TMEM117: variants seen among roughly 807,000 people sequenced by gnomAD.
TMEM117 encodes transmembrane protein 117.
Under a neutral mutation model 52.4 loss-of-function variants are expected in TMEM117, and 27 were observed. The observed-to-expected ratio is 0.51, with a 90% CI of 0.38 to 0.71. The LOEUF (loss-of-function observed/expected upper bound fraction) is 0.71, where lower values mean the gene tolerates loss of function less well. Among genes scored for constraint, TMEM117 ranks in the 30% least tolerant of loss-of-function variants. The pLI is 0.00. For missense variants in TMEM117, 556 were observed against 630.5 expected (o/e 0.88, Z 1.26); for synonymous variants, 215 against 206.3 (o/e 1.04, Z -0.36).
chr12:44,050,818 T>G (rs1946959772), intron 3 of TMEM117, among the ~76,000 whole-genome samples: 1 of 152,188 alleles, frequency 6.6e-6, no homozygotes, highest in Non-Finnish European at 1.5e-5. Flanking sequence ...TCCCTTAAGT[T>G]AGGAATTTAC....
intron 7 of TMEM117, among the ~76,000 whole-genome samples, chr12:44,379,123 A>C (rs1402292995): frequency 6.6e-6 from 1 of 151,910 alleles, no homozygotes; most frequent in Non-Finnish European, 1.5e-5. Context: ...CTCTAAAAAA[A>C]AATAGAAAGA....
chr12:44,244,648 T>C (rs902755129), intron 5 of TMEM117, among the ~76,000 whole-genome samples: 1 of 152,034 alleles, frequency 6.6e-6, no homozygotes, highest in Non-Finnish European at 1.5e-5. Context: ...ATTACACAGA[T>C]TGTTTTTTAA....
At chr12:44,281,578 G>A (rs1950577478) in intron 5 of TMEM117, among the ~76,000 whole-genome samples, 1 of 151,980 alleles carries the variant, frequency 6.6e-6, no homozygotes, top group South Asian at 2.1e-4. Context: ...AATAAAACAT[G>A]CTTTTGTCCT....
chr12:44,031,435 G>A (rs1053629621), intron 3 of TMEM117, among the ~76,000 whole-genome samples: 1 of 152,120 alleles, frequency 6.6e-6, no homozygotes, highest in Non-Finnish European at 1.5e-5. Flanking sequence ...ACTTCGACAG[G>A]TGCATTTAAA....
At chr12:43,914,538 C>T (rs1389065342) in intron 2 of TMEM117, among the ~76,000 whole-genome samples, 1 of 152,180 alleles carries the variant, frequency 6.6e-6, no homozygotes, top group Admixed American at 6.5e-5. Flanking sequence ...GCCAATGGAG[C>T]TTTCAGCCTC....
At chr12:43,977,643 C>T (rs923215974) in intron 3 of TMEM117, among the ~76,000 whole-genome samples, 2 of 152,006 alleles carry the variant, frequency 1.3e-5, no homozygotes, top group East Asian at 1.9e-4. Context: ...CTCATATTCC[C>T]CCTTTTTTGT....
At chr12:44,258,505 A>G (rs1031473881) in intron 5 of TMEM117, among the ~76,000 whole-genome samples, 4 of 152,180 alleles carry the variant, frequency 2.6e-5, no homozygotes, top group African/African-American at 9.6e-5. Context: ...TCACCAGGAA[A>G]AAAAAGATTA....
At chr12:44,329,630 C>T (rs531773821) in intron 6 of TMEM117, among the ~76,000 whole-genome samples, 1 of 152,158 alleles carries the variant, frequency 6.6e-6, no homozygotes, top group Admixed American at 6.6e-5. Flanking sequence ...TCTTGTGACT[C>T]TGAAACTCTG....
rs566746491 is a variant in TMEM117 at position 44,326,701 on chromosome 12, T to A, written c.768+26962T>A. ...ATATCACTCCCCTATTTGGAAAACT[T>A]CTGTGGCTTTTGTTGTCTTTAAAAC... On this transcript the variant is annotated intron_variant, in intron 6 of 7. Coordinates refer to ENST00000266534, the MANE Select transcript of TMEM117 (RefSeq NM_032256.3). Among the ~76,000 whole-genome samples, 8 of 152,330 alleles carry A rather than the reference T, an allele frequency of 5.3e-5. No individual in the cohort carries two copies. The South Asian group carries it at 1.7e-3, about 32-fold the overall frequency.
At chr12:43,990,241 C>T (rs1054804079) in intron 3 of TMEM117, among the ~76,000 whole-genome samples, 6 of 152,054 alleles carry the variant, frequency 3.9e-5, no homozygotes, top group Admixed American at 3.9e-4. Context: ...TTTCAACCCA[C>T]GTGAAAAATG....
chr12:44,243,894 G>A (rs751150631), intron 5 of TMEM117, among the ~76,000 whole-genome samples: 9 of 151,570 alleles, frequency 5.9e-5, no homozygotes, highest in Admixed American at 3.9e-4. Context: ...GTCTTTCTGC[G>A]CCTGACTTAT....
At chr12:44,177,628 A>G (rs1949133945) in intron 4 of TMEM117, among the ~76,000 whole-genome samples, 1 of 152,164 alleles carries the variant, frequency 6.6e-6, no homozygotes, top group Non-Finnish European at 1.5e-5. Context: ...ACCATGCTTC[A>G]GGAAAGTTAT....
intron 4 of TMEM117, among the ~76,000 whole-genome samples, chr12:44,185,233 T>A (rs1298322501): frequency 1.3e-5 from 2 of 152,232 alleles, no homozygotes; most frequent in Non-Finnish European, 2.9e-5. Context: ...TAGTATCTAG[T>A]CCTGGTAGTA....
At chr12:44,397,064 C>T in the TMEM117 span, among the ~76,000 whole-genome samples, 1 of 151,984 alleles carries the variant, frequency 6.6e-6, no homozygotes, top group Non-Finnish European at 1.5e-5. Context: ...AAGCGAGTAT[C>T]CCAGTTGAGC....
intron 3 of TMEM117, among the ~76,000 whole-genome samples, chr12:43,953,414 T>A (rs1373559927): frequency 6.6e-6 from 1 of 152,158 alleles, no homozygotes; most frequent in Non-Finnish European, 1.5e-5. Flanking sequence ...ATATCTCATG[T>A]GCGAAGACAC....
intron 3 of TMEM117, among the ~76,000 whole-genome samples, chr12:44,042,797 CA>C (rs1344911984): frequency 6.1e-5 from 9 of 147,702 alleles, no homozygotes; most frequent in African/African-American, 1.6e-4. Flanking sequence ...CACACACACA[CA>C]CACACACACA....
intron 6 of TMEM117, among the ~76,000 whole-genome samples, chr12:44,317,568 G>C (rs901550787): frequency 6.6e-6 from 1 of 151,886 alleles, no homozygotes. Flanking sequence ...CTAATTTTTT[G>C]TATTTTTAGT....
rs1478030844 is a variant in TMEM117, at chr12:43,909,179, C to T, written c.278-35031C>T. Reference sequence around the variant, plus strand: ...ACCATAGTGCAATCAAACTAGAACTCAGGATTAAGAATCTCACTCAAAGCC... The same window carrying T: ...ACCATAGTGCAATCAAACTAGAACTTAGGATTAAGAATCTCACTCAAAGCC... On this transcript the variant is annotated intron_variant, in intron 2 of 7. Coordinates refer to ENST00000266534, the MANE Select transcript of TMEM117 (RefSeq NM_032256.3). Among the ~76,000 whole-genome samples the T allele has an allele frequency of 3.2e-5, 2 of 62,006 alleles. 1 individual carries two copies. Among genetic ancestry groups the T allele is most frequent in the Non-Finnish European group, 1.1e-4 (2 of 18,890 alleles). 40.7% of individuals were successfully genotyped at this position (62,006 alleles called of 152,430 possible).
At position 44,242,130 on chromosome 12, in the gene TMEM117, C is replaced by CT. The variant is rs111532606; in HGVS notation, c.608+30755dup. Among the ~76,000 whole-genome samples the CT allele has an allele frequency of 5.9e-4, 86 of 144,924 alleles. No individual in the cohort carries two copies. In the Middle Eastern group the frequency reaches 0.01, roughly 18 times the overall value. ...TCCAGTCAACTCCCAGATAATTTGT[C>CT]TTTTTTTTTTTTACTTTTATTTTAG... is the stretch of plus-strand genomic sequence containing the variant. On this transcript the variant is annotated intron_variant, in intron 5 of 7. Coordinates refer to ENST00000266534, the MANE Select transcript of TMEM117 (RefSeq NM_032256.3).
Sources: allele counts gnomAD v4.1 joint callset (sites outside exome capture counted in the v4.1 genomes callset), GRCh38; gene constraint gnomAD v4.1.1; transcripts MANE v1.5; gene names NCBI Gene and HGNC (gene_info 2026-07-23, HGNC 2026-07-21).